Variants in CCDC158 observed in about 807,000 individuals in gnomAD.
CCDC158 encodes the protein coiled-coil domain-containing protein 158.
A neutral mutation model predicts 138.6 loss-of-function variants in CCDC158; 116 were observed. That is an observed-to-expected ratio of 0.84 (90% CI 0.72 to 0.98). The LOEUF (loss-of-function observed/expected upper bound fraction) is 0.98, where lower values mean the gene tolerates loss of function less well. CCDC158 is among the 50% of genes least tolerant of loss of function. The pLI, the probability that CCDC158 is intolerant of heterozygous loss-of-function variation, is 0.00. For missense variants in CCDC158, 1,265 were observed against 1,306.1 expected, an observed-to-expected ratio of 0.97 and a Z score of 0.48; for synonymous variants, 436 against 442.4, an observed-to-expected ratio of 0.99 and a Z score of 0.18.
chr4:76,412,598 A>G (rs1409245548), intron 1 of CCDC158, among the ~76,000 whole-genome samples: 1 of 152,138 alleles, frequency 6.6e-6, no homozygotes, highest in Non-Finnish European at 1.5e-5. Flanking sequence ...CTAAAAATAC[A>G]AAAATTAGCT....
Position 76,369,965 on chromosome 4 carries a change from G to T in CCDC158, c.1150-342C>A, listed in dbSNP as rs187372831. The stretch of plus-strand genomic sequence containing the variant: ...ACATCAGGTATGCTCCTATAATAAA[G>T]AAATGCTCAAAAGCATGAAGGAAAA... On this transcript the variant is annotated intron_variant, in intron 10 of 24. Transcript: ENST00000682701. 4.0e-3 allele frequency among the ~76,000 whole-genome samples: 608 copies of T among 152,148 alleles called. 3 individuals carry two copies. Among genetic ancestry groups the T allele is most frequent in the African/African-American group, 0.014 (577 of 41,510 alleles).
intron 15 of CCDC158, 66 bp downstream of exon 15, chr4:76,355,258 A>C (rs148564761): frequency 1.0e-6 from 1 of 1,004,980 alleles, no homozygotes; most frequent in Admixed American, 1.7e-5. Flanking sequence ...GCTTCATCTT[A>C]TTCTGCCTCG....
intron 4 of CCDC158, among the ~76,000 whole-genome samples, chr4:76,395,120 T>G (rs2109827537): frequency 6.6e-6 from 1 of 152,252 alleles, no homozygotes; most frequent in African/African-American, 2.4e-5. Context: ...TGTTAGGGGA[T>G]AAACATAGAA....
chr4:76,362,581 G>A (rs185800032), intron 12 of CCDC158, among the ~76,000 whole-genome samples: 1 of 152,224 alleles, frequency 6.6e-6, no homozygotes, highest in East Asian at 1.9e-4. Context: ...TCCTAGTATT[G>A]CTTGCAACAA....
chr4:76,319,985 G>C (rs1213711096), intron 24 of CCDC158, among the ~76,000 whole-genome samples: 2 of 152,130 alleles, frequency 1.3e-5, no homozygotes, highest in Non-Finnish European at 2.9e-5. Context: ...CCAAATGGGT[G>C]AAGAGGAAGT....
chr4:76,375,441 G>A (rs187910579), intron 9 of CCDC158: 18 of 558,276 alleles, frequency 3.2e-5, no homozygotes, highest in South Asian at 7.5e-5. Flanking sequence ...CCAGCATGGC[G>A]GTGCATTGGC....
chr4:76,384,059 A>G (rs1726536916), intron 6 of CCDC158, 29 bp downstream of exon 6: 2 of 1,430,832 alleles, frequency 1.4e-6, no homozygotes, highest in East Asian at 4.7e-5. Flanking sequence ...TTAATATAAA[A>G]TTATTTAAGT....
chr4:76,323,019 T>A (rs1025065463), intron 24 of CCDC158, among the ~76,000 whole-genome samples: 3 of 152,184 alleles, frequency 2.0e-5, no homozygotes, highest in Non-Finnish European at 4.4e-5. Flanking sequence ...GAAAGTCCCA[T>A]GTGACAAGCC....
intron 4 of CCDC158, among the ~76,000 whole-genome samples, chr4:76,393,626 AC>A (rs968705507): frequency 4.6e-5 from 7 of 152,144 alleles, no homozygotes; most frequent in African/African-American, 1.7e-4. Flanking sequence ...GCAAAAATGG[AC>A]AAATGGGATC....
intron 2 of CCDC158, among the ~76,000 whole-genome samples, chr4:76,406,564 T>C (rs1313184907): frequency 1.3e-5 from 2 of 152,192 alleles, no homozygotes; most frequent in Non-Finnish European, 2.9e-5. Flanking sequence ...ATCAGTCATA[T>C]TCTAGGGCAC....
At chr4:76,326,763 C>T (rs1720569072) in intron 22 of CCDC158, among the ~76,000 whole-genome samples, 1 of 151,946 alleles carries the variant, frequency 6.6e-6, no homozygotes, top group Non-Finnish European at 1.5e-5. Context: ...GAAAAAAATG[C>T]CAATCTAGAA....
rs114770535 is a variant in CCDC158 at position 76,351,077 on chromosome 4, T to A, written c.2583A>T (p.Pro861=). 1 of 1,613,644 alleles carries A rather than the reference T, an allele frequency of 6.2e-7. No homozygotes were observed. The highest frequency in any genetic ancestry group is 1.3e-5 in the African/African-American group (1 of 74,854). The change falls in exon 18 of 25, where the codon CCA becomes CCT. Residue 861 remains proline (P), a synonymous_variant. Coordinates refer to ENST00000682701, the MANE Select transcript of CCDC158 (RefSeq NM_001394954.1). ...PGYTSNSSLK[P]RLLQPASVTR... ...TAACAGATGCTGGCTGGAGAAGGCGTGGTTTCAATGAAGAATTTGAGGTGT... is the reference window on the plus strand; with the variant it reads ...TAACAGATGCTGGCTGGAGAAGGCGAGGTTTCAATGAAGAATTTGAGGTGT...
In CCDC158 at chr4:76,344,739, G is replaced by C. The variant is rs1722380725; in HGVS notation, c.2664+6257C>G. 3 of 1,613,726 alleles carry C rather than the reference G, an allele frequency of 1.9e-6. No homozygotes were observed. The East Asian group carries it at 6.7e-5, about 36-fold the overall frequency. On this transcript the variant is annotated intron_variant, in intron 18 of 24. Coordinates refer to ENST00000682701, the MANE Select transcript of CCDC158 (RefSeq NM_001394954.1). Reference sequence around the variant, plus strand: ...TGTGTGGCTACATGACACTCTTATTGAAACAACAGACTATGCTGGGCTTAT... The same window carrying C: ...TGTGTGGCTACATGACACTCTTATTCAAACAACAGACTATGCTGGGCTTAT...
intron 13 of CCDC158, 133 bp from the exon 14 acceptor site, chr4:76,357,659 T>A: frequency 1.7e-6 from 1 of 598,052 alleles, no homozygotes. Flanking sequence ...CATCTTCCTT[T>A]GTTACAGAAA....
At chr4:76,411,127 C>G (rs957985764) in intron 2 of CCDC158, among the ~76,000 whole-genome samples, 18 of 152,322 alleles carry the variant, frequency 1.2e-4, no homozygotes, top group Middle Eastern at 3.4e-3. Flanking sequence ...TCTGGCAGGG[C>G]ACAGTGGCTC....
At chr4:76,415,482 G>T (rs980623749) in intron 1 of CCDC158, among the ~76,000 whole-genome samples, 1 of 152,056 alleles carries the variant, frequency 6.6e-6, no homozygotes, top group African/African-American at 2.4e-5. Flanking sequence ...TCCAGGTGCC[G>T]AGGCAAGAGA....
chr4:76,396,933 G>A (rs10013314), intron 3 of CCDC158, among the ~76,000 whole-genome samples: 2 of 152,094 alleles, frequency 1.3e-5, no homozygotes, highest in Non-Finnish European at 1.5e-5. Flanking sequence ...GGGAAAATAC[G>A]CATGTGAAAG....
chr4:76,383,317 A>C lies in CCDC158; in HGVS notation c.803+345T>G, dbSNP rs542640840. 1.1e-3 allele frequency among the ~76,000 whole-genome samples: 167 copies of C among 152,210 alleles called. 1 individual carries two copies. The highest frequency in any genetic ancestry group is 8.2e-4 in the Non-Finnish European group (56 of 68,010). On this transcript the variant is annotated intron_variant, in intron 7 of 24. Coordinates refer to ENST00000682701, the MANE Select transcript of CCDC158 (RefSeq NM_001394954.1). Reference sequence around the variant, plus strand: ...AGCCCTTGGCCTGCATTTAGCAAGAATCCCCCTACTCTTGATGCCTTTTCT... The same window carrying C: ...AGCCCTTGGCCTGCATTTAGCAAGACTCCCCCTACTCTTGATGCCTTTTCT...
rs756566222 is a variant in CCDC158, at chr4:76,383,733, C to T, written c.732G>A (p.Glu244=). The change falls in exon 7 of 25, where the codon GAG becomes GAA. Residue 244 remains glutamate, a synonymous_variant. Transcript: ENST00000682701. ...CAGATTTCAGTGCTTCAAGTTGATC[C>T]TCTACCTGGTTTTTAAAAAGAGACA... ...SYLKGRIFPV[E]DQLEALKSES... 9 of 1,611,594 alleles carry T rather than the reference C, an allele frequency of 5.6e-6. No homozygotes were observed. In the East Asian group the frequency reaches 1.6e-4, roughly 28 times the overall value.
Sources: allele counts gnomAD v4.1 joint callset (sites outside exome capture counted in the v4.1 genomes callset), GRCh38; gene constraint gnomAD v4.1.1; transcripts MANE v1.5; gene names NCBI Gene and HGNC (gene_info 2026-07-23, HGNC 2026-07-21).